TTLL1: variants seen among roughly 807,000 people sequenced by gnomAD.
TTLL1 encodes TTL family tubulin polyglutamylase complex subunit L1.
TTLL1 carries 33 observed loss-of-function variants against 47.8 expected under a neutral mutation model. The observed-to-expected ratio is 0.69, with a 90% CI of 0.52 to 0.92. The LOEUF (loss-of-function observed/expected upper bound fraction) is 0.92. Among genes scored for constraint, TTLL1 ranks in the 40% least tolerant of loss-of-function variants. The pLI, the probability that TTLL1 is intolerant of heterozygous loss-of-function variation, is 0.00. For synonymous variants in TTLL1, 225 were observed against 214.1 expected, an observed-to-expected ratio of 1.05 and a Z score of -0.45; for missense variants, 488 against 547.5, an observed-to-expected ratio of 0.89 and a Z score of 1.08.
At chr22:43,043,052 G>A (rs2146956081) in intron 10 of TTLL1, among the ~76,000 whole-genome samples, 1 of 149,532 alleles carries the variant, frequency 6.7e-6, no homozygotes, top group African/African-American at 2.5e-5. Flanking sequence ...CCATTCTCCT[G>A]CCCTCAGCCT....
Position 43,063,686 on chromosome 22 carries a change from G to A in TTLL1, c.747+127C>T, listed in dbSNP as rs559001648. On this transcript the variant is annotated intron_variant, in intron 7 of 10. Coordinates refer to ENST00000266254, the MANE Select transcript of TTLL1 (RefSeq NM_012263.5). ...TCATTGTGTTCGTCAGGCTGGTCTC[G>A]AACTCCTGACCTCAGGTGATCCACC... 192 of 715,740 alleles carry A rather than the reference G, an allele frequency of 2.7e-4. No individual in the cohort carries two copies. The African/African-American group carries it at 3.1e-3, about 11-fold the overall frequency. The allele number at this position is 715,740 out of a possible 1,614,324, so 44.3% of individuals were successfully genotyped here.
At chr22:43,080,920 T>TTTTTTTTTTTA in intron 1 of TTLL1, among the ~76,000 whole-genome samples, 1 of 131,232 alleles carries the variant, frequency 7.6e-6, no homozygotes, top group Non-Finnish European at 1.7e-5. Flanking sequence ...TTTTTTTTTT[T>TTTTTTTTTTTA]TTTTTTTTTT....
chr22:43,040,072 C>A lies in TTLL1; in HGVS notation c.1143-167G>T, dbSNP rs564281176. 85 of 840,420 alleles carry A rather than the reference C, an allele frequency of 1.0e-4. 2 individuals are homozygous for A. The highest frequency in any genetic ancestry group is 9.2e-4 in the South Asian group (53 of 57,312). 52.1% of individuals were successfully genotyped at this position (840,420 alleles called of 1,614,324 possible). ...CCGCCCACCTCCCACCTGGCTCCAG[C>A]CCACCTGCCTGCCAGGTGGCTCTCG... is the stretch of plus-strand genomic sequence containing the variant. On this transcript the variant is annotated intron_variant, in intron 10 of 10. Transcript: ENST00000266254.
At position 43,069,664 on chromosome 22, in the gene TTLL1, T is replaced by C; in HGVS notation, c.294A>G (p.Lys98=). The C allele has an allele frequency of 6.2e-7, 1 of 1,614,232 alleles. No individual in the cohort carries two copies. Among genetic ancestry groups the C allele is most frequent in the African/African-American group, 1.3e-5 (1 of 75,074 alleles). The change falls in exon 4 of 11, where the codon AAA becomes AAG. Residue 98 remains lysine, a synonymous_variant. Transcript: ENST00000266254. ...GATAGAGGTATTTTCCATTTTCATC[T>C]TTTTCTGCCAGAGGACTCCCTTCTT... The part of the protein sequence containing the change: ...LEKEGSPLAE[K]DENGKYLYLD...
rs10529079 is a variant in TTLL1 at position 43,080,902 on chromosome 22, C to CTTTTTTTTTTTTTTTTTT, written c.-89-934_-89-917dup. On this transcript the variant is annotated intron_variant, in intron 1 of 10. Transcript: ENST00000266254. ...GTCACCTGTTCCCAGTGTTGCATGA[C>CTTTTTTTTTTTTTTTTTT]TTTTTTTTTTTTTTTTTTTTTTTTT... 2.6e-4 allele frequency among the ~76,000 whole-genome samples: 18 copies of CTTTTTTTTTTTTTTTTTT among 69,298 alleles called. 3 individuals are homozygous for CTTTTTTTTTTTTTTTTTT. The highest frequency in any genetic ancestry group is 7.6e-4 in the Admixed American group (4 of 5,254). The allele number at this position is 69,298 out of a possible 152,430, so 45.5% of individuals were successfully genotyped here.
At chr22:43,064,023 C>T (rs991308107) in intron 6 of TTLL1, 102 bp from the exon 7 acceptor site, 25 of 1,475,336 alleles carry the variant, frequency 1.7e-5, no homozygotes, top group African/African-American at 1.4e-4. Context: ...GTGATTTACA[C>T]GACTCACATC....
At chr22:43,051,756 G>A (rs1323377440) in intron 9 of TTLL1, 45 bp downstream of exon 9, 2 of 1,583,516 alleles carry the variant, frequency 1.3e-6, no homozygotes. Context: ...AAGTGTGTTG[G>A]GGGCTATGTG....
At chr22:43,048,424 T>A (rs1926325886) in intron 9 of TTLL1, among the ~76,000 whole-genome samples, 1 of 146,696 alleles carries the variant, frequency 6.8e-6, no homozygotes, top group Non-Finnish European at 1.5e-5. Flanking sequence ...CGCTTGAAGC[T>A]AGGAGTTCAA....
intron 5 of TTLL1, among the ~76,000 whole-genome samples, chr22:43,066,907 A>G (rs1927773976): frequency 6.6e-6 from 1 of 151,748 alleles, no homozygotes; most frequent in African/African-American, 2.4e-5. Context: ...AGATCGCTTG[A>G]ACCTGGGAGG....
chr22:43,078,624 C>T (rs1053789194), intron 2 of TTLL1, among the ~76,000 whole-genome samples: 5 of 152,096 alleles, frequency 3.3e-5, no homozygotes, highest in African/African-American at 1.2e-4. Context: ...TCCACACAGC[C>T]CATCACTTCC....
At chr22:43,052,621 G>C (rs879810650) in intron 8 of TTLL1, among the ~76,000 whole-genome samples, 2 of 152,062 alleles carry the variant, frequency 1.3e-5, no homozygotes, top group Non-Finnish European at 2.9e-5. Context: ...TGTGCCATTA[G>C]TCCCAGCTAC....
At chr22:43,075,675 C>T in intron 2 of TTLL1, 85 bp from the exon 3 acceptor site, 1 of 1,196,952 alleles carries the variant, frequency 8.4e-7, no homozygotes, top group Non-Finnish European at 1.2e-6. Flanking sequence ...ACAGCATGCC[C>T]ATCCCAAACT....
chr22:43,057,165 G>T (rs897583451), intron 8 of TTLL1, among the ~76,000 whole-genome samples: 13 of 152,070 alleles, frequency 8.5e-5, no homozygotes, highest in African/African-American at 2.7e-4. Context: ...AGCTACTTGG[G>T]AGGCTGAGGC....
chr22:43,076,965 G>A (rs1183112266), intron 2 of TTLL1, among the ~76,000 whole-genome samples: 1 of 151,616 alleles, frequency 6.6e-6, no homozygotes, highest in Non-Finnish European at 1.5e-5. Flanking sequence ...GCCGGGTGCG[G>A]TGGCAGGCGC....
chr22:43,052,304 A>G (rs1926696152), intron 8 of TTLL1: 1 of 206,598 alleles, frequency 4.8e-6, no homozygotes, highest in African/African-American at 2.2e-5. Flanking sequence ...GCCCTTAGGG[A>G]TCCGGGTGCC....
rs1180366864 is a variant in TTLL1, at chr22:43,083,387, CAT to C, written c.-89-3403_-89-3402del. Among the ~76,000 whole-genome samples the C allele has an allele frequency of 5.3e-5, 8 of 151,848 alleles. No homozygotes were observed. In the East Asian group the frequency reaches 1.4e-3, roughly 26 times the overall value. ...TAGTCTCAAACAAACAGACAAAAAACATATATAGCTCTCTCACTGGCCAAAAT... is the reference window on the plus strand; with the variant it reads ...TAGTCTCAAACAAACAGACAAAAAACATATAGCTCTCTCACTGGCCAAAAT... On this transcript the variant is annotated intron_variant, in intron 1 of 10. Coordinates refer to ENST00000266254, the MANE Select transcript of TTLL1 (RefSeq NM_012263.5).
In TTLL1 at chr22:43,064,208, C is replaced by T. The variant is rs373432401; in HGVS notation, c.620G>A (p.Arg207His). The T allele has an allele frequency of 5.6e-6, 9 of 1,613,108 alleles. No individual in the cohort carries two copies. Among genetic ancestry groups the T allele is most frequent in the East Asian group, 2.2e-5 (1 of 44,870 alleles). Residue 207 changes from arginine (R) to histidine (H), a missense_variant, in exon 6 of 11, where the codon CGT (arginine) becomes CAT (histidine). Transcript: ENST00000266254. ...CGCTTACATGTAACAGCGCAGTGGA[C>T]GGTACGTGGACACCAGAACGTACAA... is the stretch of plus-strand genomic sequence containing the variant. The part of the protein sequence containing the change: ...LRLYVLVSTY[R>H]PLRCYMYKLG...
At chr22:43,049,549 A>C (rs1048778793) in intron 9 of TTLL1, among the ~76,000 whole-genome samples, 8 of 150,728 alleles carry the variant, frequency 5.3e-5, no homozygotes, top group Non-Finnish European at 1.2e-4. Flanking sequence ...AACAAACAAA[A>C]AACACACACA....
intron 10 of TTLL1, among the ~76,000 whole-genome samples, chr22:43,043,306 G>A (rs1371273105): frequency 6.6e-6 from 1 of 152,034 alleles, no homozygotes; most frequent in Non-Finnish European, 1.5e-5. Context: ...CCACAGGCTG[G>A]ACGCGGCAGA....
Sources: gnomAD v4.1 joint callset for allele counts (sites outside exome capture counted in the v4.1 genomes callset) on GRCh38, gnomAD v4.1.1 for gene constraint, MANE v1.5 for transcripts, NCBI Gene and HGNC (gene_info 2026-07-23, HGNC 2026-07-21) for gene names.